The following MTRF1 variants were observed in gnomAD, a reference collection of about 807,000 sequenced individuals.
MTRF1 encodes peptide chain release factor 1, mitochondrial.
Under a neutral mutation model 62.9 loss-of-function variants are expected in MTRF1, and 51 were observed. That is an observed-to-expected ratio of 0.81 (90% confidence interval 0.65 to 1.02). The LOEUF is 1.02. MTRF1 is among the 50% of genes least tolerant of loss of function. MTRF1 has a pLI of 0.00. For missense variants in MTRF1, 446 were observed against 530.0 expected, an observed-to-expected ratio of 0.84 and a Z score of 1.56; for synonymous variants, 158 against 181.9, an observed-to-expected ratio of 0.87 and a Z score of 1.06.
upstream of MTRF1, among the ~76,000 whole-genome samples, chr13:41,265,336 G>T (rs533445893): frequency 4.2e-4 from 63 of 151,582 alleles, no homozygotes; most frequent in Non-Finnish European, 1.2e-4. Context: ...CAGGAGAATC[G>T]CTTGAACCCA....
chr13:41,254,941 C>G (rs751631893), intron 2 of MTRF1, among the ~76,000 whole-genome samples: 1 of 151,696 alleles, frequency 6.6e-6, no homozygotes, highest in Non-Finnish European at 1.5e-5. Context: ...ATATAGAAAC[C>G]CACATTTACA....
the MTRF1 span, among the ~76,000 whole-genome samples, chr13:41,284,501 G>A: frequency 6.8e-6 from 1 of 147,892 alleles, no homozygotes; most frequent in African/African-American, 2.5e-5. Flanking sequence ...TAGTGATTAG[G>A]CCACTGCACT....
At chr13:41,288,243 A>G in the MTRF1 span, 20 of 418,066 alleles carry the variant, frequency 4.8e-5, no homozygotes, top group Admixed American at 5.2e-4. Context: ...TGGGAAATGC[A>G]TTGGGTGTAA....
At chr13:41,276,535 T>A in the MTRF1 span, among the ~76,000 whole-genome samples, 1 of 152,212 alleles carries the variant, frequency 6.6e-6, no homozygotes, top group Non-Finnish European at 1.5e-5. Context: ...GGGTCATCTT[T>A]TAGTTATTTT....
the MTRF1 span, among the ~76,000 whole-genome samples, chr13:41,283,643 G>A: frequency 7.1e-6 from 1 of 140,180 alleles, no homozygotes; most frequent in Non-Finnish European, 1.5e-5. Context: ...AGGCTGGAGT[G>A]CAGTGGCGCG....
upstream of MTRF1, among the ~76,000 whole-genome samples, chr13:41,267,396 A>C (rs957696052): frequency 1.3e-5 from 2 of 152,172 alleles, no homozygotes; most frequent in Non-Finnish European, 2.9e-5. Context: ...GTCTCTTAAA[A>C]GTTATGTCTT....
intron 2 of MTRF1, chr13:41,257,831 C>T (rs2039932819): frequency 2.3e-6 from 1 of 437,076 alleles, no homozygotes; most frequent in African/African-American, 2.0e-5. Context: ...GGGGAATAAT[C>T]ATATATCCTA....
At chr13:41,258,579 A>C (rs28446992) in intron 2 of MTRF1, among the ~76,000 whole-genome samples, 19 of 144,852 alleles carry the variant, frequency 1.3e-4, no homozygotes, top group East Asian at 3.9e-4. Flanking sequence ...AAAAAACAAA[A>C]AAAAAAAACA....
chr13:41,271,971 A>C, the MTRF1 span, among the ~76,000 whole-genome samples: 3 of 152,290 alleles, frequency 2.0e-5, no homozygotes, highest in South Asian at 6.2e-4. Context: ...GGAGAAAAAA[A>C]CAAAAAACAC....
the MTRF1 span, among the ~76,000 whole-genome samples, chr13:41,307,576 C>T: frequency 6.6e-6 from 1 of 151,658 alleles, no homozygotes; most frequent in African/African-American, 2.4e-5. Flanking sequence ...GAGATCATGC[C>T]AGTGCACTCC....
At chr13:41,261,190 C>T (rs1174471919) in intron 1 of MTRF1, 7 of 241,228 alleles carry the variant, frequency 2.9e-5, no homozygotes, top group South Asian at 1.5e-4. Context: ...AAAAATTATC[C>T]GGGCGTGGTG....
At chr13:41,298,098 G>A in the MTRF1 span, among the ~76,000 whole-genome samples, 1 of 151,856 alleles carries the variant, frequency 6.6e-6, no homozygotes, top group Non-Finnish European at 1.5e-5. Flanking sequence ...CAGGATTTTT[G>A]CAGTAATTGC....
At chr13:41,218,939 A>G (rs1205551673) in intron 9 of MTRF1, among the ~76,000 whole-genome samples, 2 of 152,254 alleles carry the variant, frequency 1.3e-5, no homozygotes, top group Admixed American at 6.5e-5. Flanking sequence ...ACACTATGAT[A>G]TAACTTTAAA....
At chr13:41,232,887 G>C (rs1239544814) in intron 7 of MTRF1, among the ~76,000 whole-genome samples, 1 of 152,180 alleles carries the variant, frequency 6.6e-6, no homozygotes, top group Non-Finnish European at 1.5e-5. Flanking sequence ...GAAGATGTAA[G>C]CAGACTCAGA....
At chr13:41,229,870 G>A (rs2035192592) in intron 7 of MTRF1, among the ~76,000 whole-genome samples, 1 of 152,190 alleles carries the variant, frequency 6.6e-6, no homozygotes, top group East Asian at 1.9e-4. Flanking sequence ...GGAGGCCGAG[G>A]TGGGCAGATC....
the MTRF1 span, among the ~76,000 whole-genome samples, chr13:41,296,394 A>G: frequency 6.6e-6 from 1 of 152,178 alleles, no homozygotes; most frequent in African/African-American, 2.4e-5. Flanking sequence ...TTTTGATCAA[A>G]TGTTTCAAAC....
the MTRF1 span, among the ~76,000 whole-genome samples, chr13:41,268,955 C>A: frequency 6.7e-6 from 1 of 149,812 alleles, no homozygotes; most frequent in African/African-American, 2.4e-5. Context: ...AAATCCTATT[C>A]TTGTGACTTA....
In MTRF1 at chr13:41,234,103, T is replaced by C. The variant is rs1301102777; in HGVS notation, c.871-96A>G. On this transcript the variant is annotated intron_variant, in intron 6 of 9. Transcript: ENST00000379480. ...TCAAATAAACTGTATTGTTTTAAGA[T>C]AAATTATAGCCTTTAGACTAAGAGA... 2.0e-5 allele frequency: 19 copies of C among 970,868 alleles called. 1 individual carries two copies. Among genetic ancestry groups the C allele is most frequent in the South Asian group, 8.6e-5 (6 of 69,864 alleles). 60.1% of individuals were successfully genotyped at this position (970,868 alleles called of 1,614,324 possible).
At chr13:41,310,986 A>G in the MTRF1 span, among the ~76,000 whole-genome samples, 1 of 152,178 alleles carries the variant, frequency 6.6e-6, no homozygotes, top group African/African-American at 2.4e-5. Context: ...TTGCAAGGAG[A>G]AGCAGACAAT....
Sources: allele counts gnomAD v4.1 joint callset (sites outside exome capture counted in the v4.1 genomes callset), GRCh38; gene constraint gnomAD v4.1.1; transcripts MANE v1.5; gene names NCBI Gene and HGNC (gene_info 2026-07-23, HGNC 2026-07-21).